CYP2C18: variants seen among roughly 807,000 people sequenced by gnomAD.
CYP2C18 encodes the protein cytochrome P450 family 2 subfamily C member 18.
CYP2C18 carries 38 observed loss-of-function variants against 41.3 expected under a neutral mutation model. The ratio of observed to expected loss-of-function variants is 0.92; its 90% CI spans 0.71 to 1.21. The LOEUF is 1.21. Among genes scored for constraint, CYP2C18 ranks in the 50% most tolerant of loss-of-function variants. The pLI is 0.00. For missense variants in CYP2C18, 635 were observed against 591.4 expected (o/e 1.07, Z -0.77); for synonymous variants, 236 against 210.0 (o/e 1.12, Z -1.07).
intron 4 of CYP2C18, among the ~76,000 whole-genome samples, chr10:94,696,180 C>T (rs575619614): frequency 1.1e-4 from 16 of 152,274 alleles, no homozygotes; most frequent in East Asian, 1.9e-4. Flanking sequence ...GGACAGACTG[C>T]GTCTTAAGTG....
intron 4 of CYP2C18, among the ~76,000 whole-genome samples, chr10:94,706,326 C>G (rs1377243470): frequency 6.6e-6 from 1 of 152,014 alleles, no homozygotes; most frequent in East Asian, 1.9e-4. Context: ...TCTTTGTACC[C>G]CTCCCAGTTA....
chr10:94,692,975 G>T (rs1408183604), intron 3 of CYP2C18, among the ~76,000 whole-genome samples: 1 of 151,796 alleles, frequency 6.6e-6, no homozygotes. Context: ...AGAACACATG[G>T]ACACAGGAAG....
intron 5 of CYP2C18, among the ~76,000 whole-genome samples, chr10:94,707,194 GA>G (rs1463207462): frequency 6.6e-6 from 1 of 152,122 alleles, no homozygotes; most frequent in Non-Finnish European, 1.5e-5. Context: ...TGCCTTAGAT[GA>G]AAGGGAAATA....
chr10:94,689,879 T>C (rs753370279), intron 3 of CYP2C18, among the ~76,000 whole-genome samples: 3 of 152,080 alleles, frequency 2.0e-5, no homozygotes, highest in Non-Finnish European at 4.4e-5. Context: ...TGGCCACCCC[T>C]ATATCCCAGA....
At chr10:94,704,773 C>G (rs1052341065) in intron 4 of CYP2C18, among the ~76,000 whole-genome samples, 7 of 152,148 alleles carry the variant, frequency 4.6e-5, no homozygotes, top group Non-Finnish European at 7.3e-5. Flanking sequence ...TTGAACATCC[C>G]ATTTTCCAAA....
chr10:94,728,739 CTTT>C, intron 7 of CYP2C18: 3 of 257,326 alleles, frequency 1.2e-5, no homozygotes, highest in Non-Finnish European at 1.8e-5. Flanking sequence ...ATTCTCCTCA[CTTT>C]TTTTTTTTTA....
chr10:94,694,535 C>A (rs1472353605), intron 3 of CYP2C18, among the ~76,000 whole-genome samples: 1 of 152,166 alleles, frequency 6.6e-6, no homozygotes, highest in Admixed American at 6.6e-5. Context: ...CTCTATCAAT[C>A]AATTGTCTAC....
At chr10:94,702,507 T>C (rs907540068) in intron 4 of CYP2C18, among the ~76,000 whole-genome samples, 1 of 151,978 alleles carries the variant, frequency 6.6e-6, no homozygotes, top group African/African-American at 2.4e-5. Flanking sequence ...TGTTATCCTT[T>C]CTTCTGCTTG....
In CYP2C18 at chr10:94,694,969, C is replaced by A; in HGVS notation, c.534C>A (p.Ile178=). 3 of 1,613,230 alleles carry A rather than the reference C, an allele frequency of 1.9e-6. No individual in the cohort carries two copies. Among genetic ancestry groups the A allele is most frequent in the Non-Finnish European group, 2.5e-6 (3 of 1,179,888 alleles). The change falls in exon 4 of 9, where the codon ATC becomes ATA. Residue 178 remains isoleucine (I), a synonymous_variant. Coordinates refer to ENST00000285979, the MANE Select transcript of CYP2C18 (RefSeq NM_000772.3). ...FILGCAPCNV[I]CSVIFHDRFD... Reference sequence around the variant, plus strand: ...TGGGCTGTGCTCCCTGCAATGTGATCTGCTCTGTTATTTTCCATGATCGAT... The same window carrying A: ...TGGGCTGTGCTCCCTGCAATGTGATATGCTCTGTTATTTTCCATGATCGAT...
intron 1 of CYP2C18, among the ~76,000 whole-genome samples, 178 bp downstream of exon 1, chr10:94,684,165 CAT>C (rs2134171692): frequency 6.6e-6 from 1 of 152,164 alleles, no homozygotes; most frequent in South Asian, 2.1e-4. Flanking sequence ...TTAGCATATC[CAT>C]CATCTCAAAT....
At chr10:94,704,242 C>G (rs1302559172) in intron 4 of CYP2C18, among the ~76,000 whole-genome samples, 2 of 152,052 alleles carry the variant, frequency 1.3e-5, no homozygotes, top group African/African-American at 4.8e-5. Context: ...TGTTTGAAAA[C>G]TGGAAATTTT....
At chr10:94,703,195 C>G (rs1847277698) in intron 4 of CYP2C18, among the ~76,000 whole-genome samples, 1 of 152,180 alleles carries the variant, frequency 6.6e-6, no homozygotes, top group South Asian at 2.1e-4. Context: ...GTGTCTCCCT[C>G]TCAGGAGGCT....
chr10:94,718,365 G>A (rs78036013), intron 5 of CYP2C18, among the ~76,000 whole-genome samples: 1 of 152,022 alleles, frequency 6.6e-6, no homozygotes, highest in South Asian at 2.1e-4. Context: ...AAGGTTTTCT[G>A]TATGTAAGAT....
At chr10:94,699,021 T>C (rs1847179313) in intron 4 of CYP2C18, among the ~76,000 whole-genome samples, 1 of 152,182 alleles carries the variant, frequency 6.6e-6, no homozygotes, top group African/African-American at 2.4e-5. Context: ...CAGGACCAGA[T>C]GGACTCACAG....
intron 5 of CYP2C18, among the ~76,000 whole-genome samples, chr10:94,715,676 T>C (rs1431082486): frequency 1.3e-5 from 2 of 152,192 alleles, no homozygotes; most frequent in Non-Finnish European, 2.9e-5. Flanking sequence ...GGCTTTGGTA[T>C]TACGATGATG....
At chr10:94,702,837 T>A (rs1169164375) in intron 4 of CYP2C18, among the ~76,000 whole-genome samples, 1 of 152,140 alleles carries the variant, frequency 6.6e-6, no homozygotes, top group Non-Finnish European at 1.5e-5. Flanking sequence ...TTTTTAGTCT[T>A]TTTGTGCTGG....
At chr10:94,725,610 A>G (rs1267684423) in intron 7 of CYP2C18, among the ~76,000 whole-genome samples, 1 of 152,136 alleles carries the variant, frequency 6.6e-6, no homozygotes, top group Non-Finnish European at 1.5e-5. Flanking sequence ...TATTTTCATA[A>G]GTAAAAAATC....
At chr10:94,714,221 C>T (rs549777300) in intron 5 of CYP2C18, among the ~76,000 whole-genome samples, 1 of 152,160 alleles carries the variant, frequency 6.6e-6, no homozygotes, top group African/African-American at 2.4e-5. Context: ...GTTGCCATTG[C>T]TTTTGGTGTT....
At chr10:94,734,061 G>A (rs1847878671) in intron 8 of CYP2C18, among the ~76,000 whole-genome samples, 1 of 152,034 alleles carries the variant, frequency 6.6e-6, no homozygotes. Context: ...CATTGCAGCA[G>A]GAAACAGGAC....
Sources: allele counts gnomAD v4.1 joint callset (sites outside exome capture counted in the v4.1 genomes callset), GRCh38; gene constraint gnomAD v4.1.1; transcripts MANE v1.5; gene names NCBI Gene and HGNC (gene_info 2026-07-23, HGNC 2026-07-21).